The following MYO10 variants were observed in gnomAD, a reference collection of about 807,000 sequenced individuals.
The protein encoded by MYO10 is unconventional myosin-X.
Under a neutral mutation model 257.3 loss-of-function variants are expected in MYO10, and 133 were observed. The observed-to-expected ratio is 0.52, with a 90% CI of 0.45 to 0.60. The LOEUF (loss-of-function observed/expected upper bound fraction) is 0.60. Among genes scored for constraint, MYO10 ranks in the 20% least tolerant of loss-of-function variants. MYO10 has a pLI of 0.00. For missense variants in MYO10, 2,399 were observed against 2,635.7 expected, an observed-to-expected ratio of 0.91 and a Z score of 1.97; for synonymous variants, 1,104 against 1,028.6, an observed-to-expected ratio of 1.07 and a Z score of -1.40.
rs529268907 is a variant in MYO10, at chr5:16,901,887, A to G, written c.22-24180T>C. Among the ~76,000 whole-genome samples, 12 of 152,126 alleles carry G rather than the reference A, an allele frequency of 7.9e-5. No individual in the cohort carries two copies. The East Asian group carries it at 2.1e-3, about 27-fold the overall frequency. Reference sequence around the variant, plus strand: ...TAGAGCCAGACCATCATGAAGCCATATTTTCCACACAGAAATGAGTTCATT... The same window carrying G: ...TAGAGCCAGACCATCATGAAGCCATGTTTTCCACACAGAAATGAGTTCATT... On this transcript the variant is annotated intron_variant, in intron 1 of 40. Coordinates refer to ENST00000513610, the MANE Select transcript of MYO10 (RefSeq NM_012334.3).
At chr5:16,915,493 C>T (rs1447432252) in intron 1 of MYO10, among the ~76,000 whole-genome samples, 4 of 152,214 alleles carry the variant, frequency 2.6e-5, no homozygotes, top group African/African-American at 9.6e-5. Context: ...CTCCGCATCC[C>T]CCTCCACAGC....
At chr5:16,816,950 G>T (rs1217571141) in intron 3 of MYO10, among the ~76,000 whole-genome samples, 1 of 152,124 alleles carries the variant, frequency 6.6e-6, no homozygotes, top group African/African-American at 2.4e-5. Flanking sequence ...CTCCTGAGTA[G>T]CCGGGATTAC....
At chr5:16,843,412 G>C (rs952057875) in intron 2 of MYO10, among the ~76,000 whole-genome samples, 1 of 152,120 alleles carries the variant, frequency 6.6e-6, no homozygotes, top group Non-Finnish European at 1.5e-5. Flanking sequence ...GCTGTATCCA[G>C]CAATCAGCCC....
At chr5:16,707,924 A>T (rs1738419784) in intron 21 of MYO10, among the ~76,000 whole-genome samples, 1 of 152,218 alleles carries the variant, frequency 6.6e-6, no homozygotes, top group Admixed American at 6.5e-5. Context: ...ACACTGGCTA[A>T]ACTTGCCTGT....
chr5:16,794,031 C>T (rs1034193076), intron 4 of MYO10, among the ~76,000 whole-genome samples: 3 of 151,726 alleles, frequency 2.0e-5, no homozygotes, highest in Non-Finnish European at 4.4e-5. Context: ...AAAGCGAGTA[C>T]GACTCAGCTA....
At chr5:16,740,787 GA>G (rs1739991283) in intron 19 of MYO10, among the ~76,000 whole-genome samples, 1 of 151,884 alleles carries the variant, frequency 6.6e-6, no homozygotes, top group African/African-American at 2.4e-5. Flanking sequence ...AAGAGAGGTA[GA>G]AAATATGTGG....
intron 2 of MYO10, among the ~76,000 whole-genome samples, chr5:16,862,171 G>A (rs964388022): frequency 6.6e-6 from 1 of 152,172 alleles, no homozygotes; most frequent in African/African-American, 2.4e-5. Context: ...ATTCCCTAAT[G>A]TCAGAACTGT....
Position 16,866,598 on chromosome 5 carries a change from A to C in MYO10, c.120+11011T>G, listed in dbSNP as rs555462330. Among the ~76,000 whole-genome samples the C allele has an allele frequency of 1.1e-3, 166 of 152,314 alleles. 1 individual carries two copies. The highest frequency in any genetic ancestry group is 1.9e-3 in the Non-Finnish European group (128 of 68,012). ...GAGACATGTAAGACTCAGGGGCTAC[A>C]GCCATGATGCAAATGACCTCCTGTT... On this transcript the variant is annotated intron_variant, in intron 2 of 40. Transcript: ENST00000513610.
chr5:16,811,361 G>A lies in MYO10; in HGVS notation c.279+6648C>T, dbSNP rs1176092432. On this transcript the variant is annotated intron_variant, in intron 3 of 40. Coordinates refer to ENST00000513610, the MANE Select transcript of MYO10 (RefSeq NM_012334.3). The stretch of plus-strand genomic sequence containing the variant: ...CCACGGCAGAATCATCCTAGGTGGG[G>A]AACCAATGGTTTAAGGCTTCTAACC... 5.3e-5 allele frequency among the ~76,000 whole-genome samples: 8 copies of A among 152,282 alleles called. No homozygotes were observed. In the South Asian group the frequency reaches 1.2e-3, roughly 24 times the overall value.
At chr5:16,677,018 C>G (rs112521263) in intron 33 of MYO10, among the ~76,000 whole-genome samples, 8 of 152,086 alleles carry the variant, frequency 5.3e-5, no homozygotes, top group Non-Finnish European at 1.0e-4. Context: ...TTAATATATT[C>G]TTGGGGAGAC....
chr5:16,931,795 G>A (rs1475087218), intron 1 of MYO10, among the ~76,000 whole-genome samples: 7 of 152,238 alleles, frequency 4.6e-5, no homozygotes, highest in Non-Finnish European at 1.0e-4. Context: ...GGTGATACAA[G>A]AAGTCCTCAG....
intron 19 of MYO10, among the ~76,000 whole-genome samples, chr5:16,737,151 C>A (rs1739836435): frequency 6.6e-6 from 1 of 152,124 alleles, no homozygotes; most frequent in South Asian, 2.1e-4. Flanking sequence ...TTTTCACCAT[C>A]CTAAATGTGG....
intron 2 of MYO10, among the ~76,000 whole-genome samples, chr5:16,827,180 T>A (rs1464969627): frequency 6.6e-6 from 1 of 152,220 alleles, no homozygotes; most frequent in East Asian, 1.9e-4. Context: ...CACACAGGTC[T>A]ACTCTGCTAG....
chr5:16,677,765 CTT>C (rs10639073), intron 33 of MYO10, among the ~76,000 whole-genome samples: 1 of 146,600 alleles, frequency 6.8e-6, no homozygotes. Flanking sequence ...CATATTTACT[CTT>C]TTTTTTTTTG....
chr5:16,840,821 A>C (rs1308894631), intron 2 of MYO10, among the ~76,000 whole-genome samples: 1 of 152,104 alleles, frequency 6.6e-6, no homozygotes, highest in African/African-American at 2.4e-5. Flanking sequence ...ACATAGGGAG[A>C]GTTATCTTTA....
chr5:16,930,719 AG>A (rs1554009857), intron 1 of MYO10, among the ~76,000 whole-genome samples: 1 of 152,206 alleles, frequency 6.6e-6, no homozygotes, highest in Non-Finnish European at 1.5e-5. Flanking sequence ...CATGCAAACT[AG>A]GAACTATTAC....
At chr5:16,930,622 T>C (rs973699858) in intron 1 of MYO10, among the ~76,000 whole-genome samples, 6 of 152,218 alleles carry the variant, frequency 3.9e-5, no homozygotes, top group Admixed American at 2.6e-4. Context: ...AATTTCAAAG[T>C]ACAGTTACTG....
Position 16,673,884 on chromosome 5 carries a change from C to A in MYO10, c.4970G>T (p.Arg1657Leu). The change falls in exon 36 of 41, where the codon CGG becomes CTG. Residue 1657 changes from arginine to leucine, a missense_variant. By Grantham distance (102) the Arg-to-Leu change is moderately radical. Transcript: ENST00000513610. ...KYLKFHLKRI[R>L]EQFPGSEMEK... is the part of the protein sequence containing the mutation. Reference sequence around the variant, plus strand: ...CATCTCGCTTCCTGGAAACTGTTCCCGTATCCTAGGAGGCAAACACTAACT... The same window carrying A: ...CATCTCGCTTCCTGGAAACTGTTCCAGTATCCTAGGAGGCAAACACTAACT... 6.2e-7 allele frequency: 1 copy of A among 1,613,730 alleles called. No individual in the cohort carries two copies. Among genetic ancestry groups the A allele is most frequent in the African/African-American group, 1.3e-5 (1 of 75,004 alleles).
chr5:16,827,929 G>A (rs1425414684), intron 2 of MYO10, among the ~76,000 whole-genome samples: 1 of 152,110 alleles, frequency 6.6e-6, no homozygotes, highest in Non-Finnish European at 1.5e-5. Context: ...TTCCCCAACA[G>A]CACACAGCAC....
Sources: allele counts gnomAD v4.1 joint callset (sites outside exome capture counted in the v4.1 genomes callset), GRCh38; gene constraint gnomAD v4.1.1; transcripts MANE v1.5; gene names NCBI Gene and HGNC (gene_info 2026-07-23, HGNC 2026-07-21).